FBL: variants seen among roughly 807,000 people sequenced by gnomAD.
FBL encodes the protein rRNA 2'-O-methyltransferase fibrillarin.
In FBL, 10 loss-of-function variants were observed where a neutral mutation model predicts 42.2. That is an observed-to-expected ratio of 0.24 (90% CI 0.15 to 0.40). The LOEUF (loss-of-function observed/expected upper bound fraction) is 0.40, where lower values mean the gene tolerates loss of function less well. FBL is among the 10% of genes least tolerant of loss of function. The pLI is 1.00. For missense variants in FBL, 351 were observed against 439.2 expected, an observed-to-expected ratio of 0.80 and a Z score of 1.79; for synonymous variants, 165 against 165.4, an observed-to-expected ratio of 1.00 and a Z score of 0.02.
rs773355171 is a variant in FBL at position 39,834,781 on chromosome 19, C to T, written c.828G>A (p.Glu276=). The T allele has an allele frequency of 3.7e-6, 6 of 1,614,210 alleles. No homozygotes were observed. The South Asian group carries it at 6.6e-5, about 18-fold the overall frequency. The change falls in exon 8 of 9, where the codon GAG becomes GAA. Residue 276 remains glutamate, a synonymous_variant. Transcript: ENST00000221801. ...TTTTCACTTCGGAGGCAAACACGGC[C>T]TCGGCTGAGGCTGTGGAGTCAATGC... ...ANCIDSTASA[E]AVFASEVKKM...
Position 39,840,422 on chromosome 19 carries a change from C to T in FBL, c.275G>A (p.Arg92Gln). The change falls in exon 3 of 9, where the codon CGG (arginine) becomes CAG (glutamine). Residue 92 changes from arginine to glutamine, a missense_variant. Arg to Gln is a conservative substitution (Grantham distance 43). Transcript: ENST00000221801. This position sits in a 1 kb window ranked among gnomAD's most constrained non-coding sequence, Gnocchi z 4.5. ...CTGCCTTCCTCACTCACCCTCATGC[C>T]GATGCGGCTCCACCATCACATTCTT... ...SGKNVMVEPH[R>Q]HEGVFICRGK... The T allele has an allele frequency of 1.2e-6, 2 of 1,614,128 alleles. No individual in the cohort carries two copies. The highest frequency in any genetic ancestry group is 1.7e-6 in the Non-Finnish European group (2 of 1,179,996).
Position 39,840,739 on chromosome 19 carries a change from TCACCAAAGCCCCCTCGGC to T in FBL, c.41_58del (p.Gly14_Gly19del). On this transcript the variant is annotated inframe_deletion, in exon 2 of 9. Coordinates refer to ENST00000221801, the MANE Select transcript of FBL (RefSeq NM_001436.4). The surrounding 1 kb of genome is among the most constrained non-coding windows in gnomAD (Gnocchi z 4.5). ...CCCTCGGCCTCCACGACCACCACGG[TCACCAAAGCCCCCTCGGC>T]CGCCAAAGCCACCCCCACGGGGACT... The T allele has an allele frequency of 6.3e-7, 1 of 1,575,286 alleles. No homozygotes were observed. Among genetic ancestry groups the T allele is most frequent in the Non-Finnish European group, 8.6e-7 (1 of 1,160,788 alleles).
In FBL at chr19:39,835,429, G is replaced by A. The variant is rs113226206; in HGVS notation, c.796-616C>T. ...ACCTACTCGGGAAGCTGACGCAGGAGAATCGCTTGAACCCAGGAACTGGAG... is the reference window on the plus strand; with the variant it reads ...ACCTACTCGGGAAGCTGACGCAGGAAAATCGCTTGAACCCAGGAACTGGAG... On this transcript the variant is annotated intron_variant, in intron 7 of 8. Transcript: ENST00000221801. Among the ~76,000 whole-genome samples the A allele has an allele frequency of 8.5e-3, 1,294 of 152,216 alleles. 12 individuals carry two copies. The highest frequency in any genetic ancestry group is 0.027 in the African/African-American group (1,129 of 41,518).
chr19:39,843,268 G>A (rs1969194247), intron 1 of FBL, among the ~76,000 whole-genome samples: 1 of 152,168 alleles, frequency 6.6e-6, no homozygotes, highest in Admixed American at 6.5e-5. Context: ...CTGAGCTGAT[G>A]ACTCTTAAAC....
At chr19:39,845,885 A>T (rs1485049232) in intron 1 of FBL, among the ~76,000 whole-genome samples, 1 of 152,144 alleles carries the variant, frequency 6.6e-6, no homozygotes, top group Non-Finnish European at 1.5e-5. Flanking sequence ...CAGCTCCAGG[A>T]CCCAAGGTCA....
Position 39,846,360 on chromosome 19 carries a change from G to A in FBL, c.-60C>T. 2 of 1,604,194 alleles carry A rather than the reference G, an allele frequency of 1.2e-6. No individual in the cohort carries two copies. Among genetic ancestry groups the A allele is most frequent in the Non-Finnish European group, 1.7e-6 (2 of 1,174,986 alleles). ...GGCGTTCACAACTCCACGAGTCCGG[G>A]GCTTTCGCACGTGGAAAAGAGCGCA... On this transcript the variant is annotated 5_prime_UTR_variant, in exon 1 of 9. Transcript: ENST00000221801.
intron 4 of FBL, among the ~76,000 whole-genome samples, chr19:39,839,530 G>C (rs531017951): frequency 1.2e-4 from 19 of 152,322 alleles, no homozygotes; most frequent in African/African-American, 4.3e-4. Context: ...CCCAGAAGGT[G>C]TAAGTATTCA....
In FBL at chr19:39,840,907, A is replaced by T. The variant is rs928995790; in HGVS notation, c.11-120T>A. 4.2e-6 allele frequency: 4 copies of T among 959,140 alleles called. No homozygotes were observed. In the African/African-American group the frequency reaches 6.6e-5, roughly 16 times the overall value. 59.4% of individuals were successfully genotyped at this position (959,140 alleles called of 1,614,324 possible). A position where few individuals can be genotyped will look rare whatever the true frequency, so the allele number is the denominator to read the frequency against. ...TACATGTGCCCGTGTACAGCAGGAC[A>T]CATTTCCAAGAATGTCCACAGCAAA... On this transcript the variant is annotated intron_variant, in intron 1 of 8. Coordinates refer to ENST00000221801, the MANE Select transcript of FBL (RefSeq NM_001436.4). This position sits in a 1 kb window ranked among gnomAD's most constrained non-coding sequence, Gnocchi z 4.5.
rs756640299 is a variant in FBL, at chr19:39,834,707, G to T, written c.902C>A (p.Pro301Gln). ...MKPQEQLTLEPYERDHAVVVG... is the reference protein window; with the variant it reads ...MKPQEQLTLEQYERDHAVVVG... ...GACCACGGCATGGTCTCTTTCATAT[G>T]GCTCAAGGGTCAACTGCTCCTGCGG... The change falls in exon 8 of 9, where the codon CCA becomes CAA. Residue 301 changes from proline (P) to glutamine (Q), a missense_variant. Pro to Gln is a moderately conservative substitution (Grantham distance 76). Transcript: ENST00000221801. The T allele has an allele frequency of 6.2e-7, 1 of 1,614,130 alleles. No homozygotes were observed. Among genetic ancestry groups the T allele is most frequent in the South Asian group, 1.1e-5 (1 of 91,076 alleles).
Position 39,840,181 on chromosome 19 carries a change from G to T in FBL, c.378+52C>A. Reference sequence around the variant, plus strand: ...TGGTGAGGGCAGACACAGACTACTGGCTACACCCTCAGCTGCGACCCTGGT... The same window carrying T: ...TGGTGAGGGCAGACACAGACTACTGTCTACACCCTCAGCTGCGACCCTGGT... On this transcript the variant is annotated intron_variant, in intron 4 of 8. Coordinates refer to ENST00000221801, the MANE Select transcript of FBL (RefSeq NM_001436.4). The surrounding 1 kb of genome is among the most constrained non-coding windows in gnomAD (Gnocchi z 4.5). The T allele has an allele frequency of 1.6e-6, 2 of 1,267,096 alleles. No homozygotes were observed. Among genetic ancestry groups the T allele is most frequent in the Non-Finnish European group, 2.3e-6 (2 of 865,564 alleles). The allele number at this position is 1,267,096 out of a possible 1,614,324, so 78.5% of individuals were successfully genotyped here. A position where few individuals can be genotyped will look rare whatever the true frequency, so the allele number is the denominator to read the frequency against.
rs1599653029 is a variant in FBL at position 39,834,800 on chromosome 19, T to G, written c.809A>C (p.Asp270Ala). The change falls in exon 8 of 9, where the codon GAC becomes GCC. Residue 270 changes from aspartate (D) to alanine (A), a missense_variant. Asp to Ala is a moderately radical substitution (Grantham distance 126). Coordinates refer to ENST00000221801, the MANE Select transcript of FBL (RefSeq NM_001436.4). ...CACGGCCTCGGCTGAGGCTGTGGAG[T>G]CAATGCAGTTGGCCTAAAGAGGAGA... ...FVISIKANCI[D>A]STASAEAVFA... The G allele has an allele frequency of 6.2e-7, 1 of 1,614,094 alleles. No individual in the cohort carries two copies. Among genetic ancestry groups the G allele is most frequent in the Non-Finnish European group, 8.5e-7 (1 of 1,180,010 alleles).
At chr19:39,838,950 G>T in intron 5 of FBL, 85 bp downstream of exon 5, 1 of 1,269,730 alleles carries the variant, frequency 7.9e-7, no homozygotes, top group Middle Eastern at 1.9e-4. Context: ...ACACAGCGCA[G>T]GCAAGCAGTC....
chr19:39,845,817 GA>G (rs1969252937), intron 1 of FBL, among the ~76,000 whole-genome samples: 1 of 152,218 alleles, frequency 6.6e-6, no homozygotes, highest in Non-Finnish European at 1.5e-5. Flanking sequence ...TGGGATGCGG[GA>G]TAAGGGGATG....
Position 39,834,824 on chromosome 19 carries a change from G to A in FBL, c.796-11C>T. On this transcript the variant is annotated splice_polypyrimidine_tract_variant and intron_variant, in intron 7 of 8. Transcript: ENST00000221801. ...GTCAATGCAGTTGGCCTAAAGAGGA[G>A]AAAGGACTAATGTCTACAACAGGGC... The A allele has an allele frequency of 6.2e-7, 1 of 1,614,152 alleles. No individual in the cohort carries two copies. The highest frequency in any genetic ancestry group is 1.6e-4 in the Middle Eastern group (1 of 6,062).
chr19:39,840,241 A>G lies in FBL; in HGVS notation c.370T>C (p.Ser124Pro). ...GESVYGEKRV[S>P]ISEGDDKIEY... is the part of the protein sequence containing the mutation. ...AGGGGCCCAGTTCTCACCGAAATCGAGACTCTCTTCTCTCCATAAACTGAT... is the reference window on the plus strand; with the variant it reads ...AGGGGCCCAGTTCTCACCGAAATCGGGACTCTCTTCTCTCCATAAACTGAT... The change falls in exon 4 of 9, where the codon TCG becomes CCG. Residue 124 changes from serine to proline, a missense_variant. By Grantham distance (74) the Ser-to-Pro change is moderately conservative (BLOSUM62 -1). Coordinates refer to ENST00000221801, the MANE Select transcript of FBL (RefSeq NM_001436.4). This position sits in a 1 kb window ranked among gnomAD's most constrained non-coding sequence, Gnocchi z 4.5. 1 of 1,613,506 alleles carries G rather than the reference A, an allele frequency of 6.2e-7. No individual in the cohort carries two copies. The highest frequency in any genetic ancestry group is 8.5e-7 in the Non-Finnish European group (1 of 1,179,580).
intron 5 of FBL, 72 bp from the exon 6 acceptor site, chr19:39,837,915 C>A: frequency 7.8e-7 from 1 of 1,274,806 alleles, no homozygotes. Context: ...TAGGCCCATA[C>A]ACTATACACA....
intron 6 of FBL, 121 bp from the exon 7 acceptor site, chr19:39,836,789 TC>T: frequency 1.5e-6 from 1 of 655,524 alleles, no homozygotes; most frequent in Middle Eastern, 4.0e-4. Context: ...CCAGTTTCAC[TC>T]CCCACCTCCA....
intron 1 of FBL, among the ~76,000 whole-genome samples, chr19:39,844,971 C>A (rs1431263705): frequency 6.6e-6 from 1 of 152,004 alleles, no homozygotes; most frequent in African/African-American, 2.4e-5. Context: ...AATCACAGAC[C>A]AGAATGCCTG....
At chr19:39,836,473 G>T in intron 7 of FBL, 83 bp downstream of exon 7, 1 of 851,298 alleles carries the variant, frequency 1.2e-6, no homozygotes, top group Non-Finnish European at 1.8e-6. Flanking sequence ...CTCTGTTTTG[G>T]GTGGCTATTT....
Sources: gnomAD v4.1 joint callset for allele counts (sites outside exome capture counted in the v4.1 genomes callset) on GRCh38, gnomAD v4.1.1 for gene constraint, Gnocchi (gnomAD v3.1) non-coding constraint, MANE v1.5 for transcripts, NCBI Gene and HGNC (gene_info 2026-07-23, HGNC 2026-07-21) for gene names.